The following STUM variants were observed in gnomAD, a reference collection of about 807,000 sequenced individuals.
STUM encodes the protein stum, mechanosensory transduction mediator homolog.
STUM carries 8 observed loss-of-function variants against 15.3 expected under a neutral mutation model. The ratio of observed to expected loss-of-function variants is 0.52; its 90% CI spans 0.31 to 0.94. The LOEUF (loss-of-function observed/expected upper bound fraction) is 0.94. Among genes scored for constraint, STUM ranks in the 40% least tolerant of loss-of-function variants. The pLI is 0.05. For synonymous variants in STUM, 78 were observed against 88.7 expected (o/e 0.88, Z 0.68); for missense variants, 142 against 204.9 (o/e 0.69, Z 1.87).
intron 1 of STUM, among the ~76,000 whole-genome samples, chr1:226,563,299 C>G (rs1205596759): frequency 6.6e-6 from 1 of 152,206 alleles, no homozygotes; most frequent in African/African-American, 2.4e-5. Context: ...ATAAGTAAGT[C>G]AGGGGCTATC....
Position 226,600,576 on chromosome 1 carries a change from G to A in STUM, c.383-90G>A. Reference sequence around the variant, plus strand: ...GGATCTGCTTTGTTTCCTGTGCCAAGCGTTCCCTGTGGCTCTGTTTTCAGG... The same window carrying A: ...GGATCTGCTTTGTTTCCTGTGCCAAACGTTCCCTGTGGCTCTGTTTTCAGG... On this transcript the variant is annotated intron_variant, in intron 2 of 3. Transcript: ENST00000366788. The surrounding 1 kb of genome is among the most constrained non-coding windows in gnomAD (Gnocchi z 5.2). 1 of 1,495,934 alleles carries A rather than the reference G, an allele frequency of 6.7e-7. No individual in the cohort carries two copies. Among genetic ancestry groups the A allele is most frequent in the South Asian group, 1.1e-5 (1 of 88,730 alleles). The allele number at this position is 1,495,934 out of a possible 1,614,324, so 92.7% of individuals were successfully genotyped here. A position where few individuals can be genotyped will look rare whatever the true frequency, so the allele number is the denominator to read the frequency against.
rs972479508 is a variant in STUM, at chr1:226,548,837, C to T, written c.-68C>T. ...GAGCCCGGAGCCCGCAGCCGACAGT[C>T]TCCTGCTCCCGTACGCTGGGCGCCA... is the stretch of plus-strand genomic sequence containing the variant. On this transcript the variant is annotated 5_prime_UTR_variant, in exon 1 of 4. Transcript: ENST00000366788. 96 of 1,228,016 alleles carry T rather than the reference C, an allele frequency of 7.8e-5. 1 individual carries two copies. The highest frequency in any genetic ancestry group is 9.7e-5 in the Non-Finnish European group (94 of 973,764). The allele number at this position is 1,228,016 out of a possible 1,614,324, so 76.1% of individuals were successfully genotyped here.
intron 1 of STUM, among the ~76,000 whole-genome samples, chr1:226,554,921 A>G (rs930867459): frequency 6.6e-6 from 1 of 152,050 alleles, no homozygotes; most frequent in African/African-American, 2.4e-5. Context: ...TTTTGCCTCC[A>G]TCACTCACTT....
At chr1:226,582,542 C>T (rs1667936175) in intron 1 of STUM, among the ~76,000 whole-genome samples, 1 of 151,584 alleles carries the variant, frequency 6.6e-6, no homozygotes, top group African/African-American at 2.4e-5. Context: ...TTGCAGTGAG[C>T]CGAGGTCACA....
intron 3 of STUM, among the ~76,000 whole-genome samples, chr1:226,601,618 A>G (rs752864640): frequency 1.3e-5 from 2 of 151,886 alleles, no homozygotes; most frequent in African/African-American, 4.8e-5. Flanking sequence ...TCCTCCTTCT[A>G]TCCACCCATA....
chr1:226,549,604 C>T lies in STUM; in HGVS notation c.202+498C>T, dbSNP rs1343076931. On this transcript the variant is annotated intron_variant, in intron 1 of 3. Transcript: ENST00000366788. The surrounding 1 kb of genome is among the most constrained non-coding windows in gnomAD (Gnocchi z 6.8). Reference sequence around the variant, plus strand: ...CGAGCCGGGCTAGATATACCTGCAGCCCCCTTTGGTTCGCGGAGTGCGGAC... The same window carrying T: ...CGAGCCGGGCTAGATATACCTGCAGTCCCCTTTGGTTCGCGGAGTGCGGAC... Among the ~76,000 whole-genome samples, 1 of 152,196 alleles carries T rather than the reference C, an allele frequency of 6.6e-6. No homozygotes were observed. The highest frequency in any genetic ancestry group is 6.5e-5 in the Admixed American group (1 of 15,286).
chr1:226,603,927 CCTT>C lies in STUM; in HGVS notation c.*1890_*1892del, dbSNP rs1191191052. ...TTTGGTTTTCTCTAAAAAGCTAGAA[CCTT>C]CTGCTGTGTGCAGCAGGCATCCTCC... On this transcript the variant is annotated 3_prime_UTR_variant, in exon 4 of 4. Transcript: ENST00000366788. The C allele has an allele frequency of 6.6e-6, 1 of 152,306 alleles. No individual in the cohort carries two copies. Among genetic ancestry groups the C allele is most frequent in the Non-Finnish European group, 1.5e-5 (1 of 68,128 alleles). 9.4% of individuals were successfully genotyped at this position (152,306 alleles called of 1,614,324 possible).
At chr1:226,570,915 G>T (rs995831262) in intron 1 of STUM, among the ~76,000 whole-genome samples, 3 of 152,080 alleles carry the variant, frequency 2.0e-5, no homozygotes, top group African/African-American at 7.2e-5. Flanking sequence ...TATTGAAAAA[G>T]ACTTATTAAA....
chr1:226,578,842 C>A, intron 1 of STUM, among the ~76,000 whole-genome samples: 1 of 152,170 alleles, frequency 6.6e-6, no homozygotes, highest in South Asian at 2.1e-4. Context: ...GCCCCTCACA[C>A]CCCAGGGTTT....
chr1:226,555,172 C>T (rs1396478791), intron 1 of STUM, among the ~76,000 whole-genome samples: 1 of 152,214 alleles, frequency 6.6e-6, no homozygotes, highest in Non-Finnish European at 1.5e-5. Flanking sequence ...CTCCCCAGGG[C>T]ACTTGGTCTT....
intron 2 of STUM, among the ~76,000 whole-genome samples, chr1:226,599,740 G>C (rs920373910): frequency 3.9e-5 from 6 of 152,350 alleles, no homozygotes; most frequent in African/African-American, 1.4e-4. Context: ...ACAACACCCT[G>C]TCTTGGTCAT....
At chr1:226,583,585 T>C (rs60773187) in intron 1 of STUM, among the ~76,000 whole-genome samples, 8,520 of 152,268 alleles carry the variant, frequency 0.056, 234 homozygotes, top group South Asian at 0.11. Context: ...TCCATTCCTG[T>C]CCACCTAGAA....
chr1:226,582,264 G>T (rs1013834820), intron 1 of STUM, among the ~76,000 whole-genome samples: 2 of 152,214 alleles, frequency 1.3e-5, no homozygotes, highest in African/African-American at 4.8e-5. Context: ...TAAAAAGTAG[G>T]TTTCTCAAAT....
chr1:226,582,662 A>G (rs2102702718), intron 1 of STUM, among the ~76,000 whole-genome samples: 1 of 151,428 alleles, frequency 6.6e-6, no homozygotes. Flanking sequence ...TCTCATCTGA[A>G]AGCCAGTGCA....
chr1:226,583,155 T>C (rs1377611769), intron 1 of STUM, among the ~76,000 whole-genome samples: 1 of 152,030 alleles, frequency 6.6e-6, no homozygotes, highest in Admixed American at 6.5e-5. Context: ...CTGCATTATA[T>C]TGGCCAAGGA....
intron 1 of STUM, among the ~76,000 whole-genome samples, chr1:226,592,331 G>A (rs772181859): frequency 6.6e-6 from 1 of 152,222 alleles, no homozygotes; most frequent in Non-Finnish European, 1.5e-5. Flanking sequence ...TTACAGGCGT[G>A]AGCCACCACG....
intron 1 of STUM, among the ~76,000 whole-genome samples, chr1:226,553,569 A>T (rs1391262190): frequency 6.6e-6 from 1 of 152,236 alleles, no homozygotes; most frequent in Non-Finnish European, 1.5e-5. Flanking sequence ...TATCAACAAG[A>T]AAAAAGAAAC....
In STUM at chr1:226,579,424, G is replaced by A. The variant is rs371332202; in HGVS notation, c.203-17378G>A. Among the ~76,000 whole-genome samples, 52 of 152,296 alleles carry A rather than the reference G, an allele frequency of 3.4e-4. 1 individual carries two copies. In the South Asian group the frequency reaches 0.011, roughly 31 times the overall value. Reference sequence around the variant, plus strand: ...TATCAGCAAAATTTACTTGGTCCCTGTCCATGTGGTGCTTCCTGTCTCTTC... The same window carrying A: ...TATCAGCAAAATTTACTTGGTCCCTATCCATGTGGTGCTTCCTGTCTCTTC... On this transcript the variant is annotated intron_variant, in intron 1 of 3. Coordinates refer to ENST00000366788, the MANE Select transcript of STUM (RefSeq NM_001003665.4).
At chr1:226,570,442 A>C (rs1026575978) in intron 1 of STUM, among the ~76,000 whole-genome samples, 7 of 152,222 alleles carry the variant, frequency 4.6e-5, no homozygotes, top group Admixed American at 3.3e-4. Context: ...CTACAGAGTA[A>C]GAGGGAAGAA....
Sources: allele counts gnomAD v4.1 joint callset (sites outside exome capture counted in the v4.1 genomes callset), GRCh38; gene constraint gnomAD v4.1.1; non-coding constraint Gnocchi (gnomAD v3.1); transcripts MANE v1.5; gene names NCBI Gene and HGNC (gene_info 2026-07-23, HGNC 2026-07-21).